Variants in SART3 observed in about 807,000 individuals in gnomAD.
The protein encoded by SART3 is spliceosome associated factor 3, U4/U6 recycling protein, also known as HIV-1 Tat-interacting protein of 110kDa.
In SART3, 44 loss-of-function variants were observed where a neutral mutation model predicts 122.3. The observed-to-expected ratio is 0.36, with a 90% CI of 0.28 to 0.46. The LOEUF (loss-of-function observed/expected upper bound fraction) is 0.46, where lower values mean the gene tolerates loss of function less well. Ranked by LOEUF, SART3 falls within the 20% of genes least tolerant of loss-of-function variation. The pLI is 1.00. For synonymous variants in SART3, 442 were observed against 454.0 expected, an observed-to-expected ratio of 0.97 and a Z score of 0.34; for missense variants, 1,101 against 1,229.0, an observed-to-expected ratio of 0.90 and a Z score of 1.56.
rs756454189 is a variant in SART3 at position 108,538,188 on chromosome 12, C to G, written c.1078G>C (p.Val360Leu). ...TGTACAGATAAAACCAAATCCTTTA[C>G]TTTCAGTTGTCGATCCTATGATAAA... ...YSQYLDRQLK[V>L]KDLVLSVHNR... Residue 360 changes from valine (V) to leucine (L), a missense_variant, in exon 8 of 19, where the codon GTA becomes CTA. Coordinates refer to ENST00000546815, the MANE Select transcript of SART3 (RefSeq NM_014706.4). The G allele has an allele frequency of 1.2e-6, 2 of 1,614,174 alleles. No individual in the cohort carries two copies. The highest frequency in any genetic ancestry group is 4.5e-5 in the East Asian group (2 of 44,892).
intron 1 of SART3, among the ~76,000 whole-genome samples, chr12:108,554,360 T>C (rs1018393397): frequency 1.8e-4 from 28 of 152,164 alleles, no homozygotes; most frequent in African/African-American, 6.5e-4. Flanking sequence ...AAATCCTAAA[T>C]AAAATATTAA....
intron 1 of SART3, among the ~76,000 whole-genome samples, chr12:108,559,154 A>T (rs1056414415): frequency 2.0e-5 from 3 of 152,122 alleles, no homozygotes; most frequent in Admixed American, 2.0e-4. Flanking sequence ...TGACATCACT[A>T]TCTCATAACA....
In SART3 at chr12:108,561,119, G is replaced by A; in HGVS notation, c.36C>T (p.Pro12=). The A allele has an allele frequency of 1.9e-6, 3 of 1,613,606 alleles. No homozygotes were observed. Among genetic ancestry groups the A allele is most frequent in the South Asian group, 1.1e-5 (1 of 91,070 alleles). Residue 12 remains proline, a synonymous_variant, in exon 1 of 19, where the codon CCC becomes CCT. Transcript: ENST00000546815. ...TGGGCCCAGCCTTGGACTCAGCCTC[G>A]GGTTCTGAAGCCGAGGTTTCGGCCG... ...ATAAETSASE[P]EAESKAGPKA...
chr12:108,560,203 G>A (rs1192430396), intron 1 of SART3: 1 of 152,384 alleles, frequency 6.6e-6, no homozygotes, highest in Admixed American at 6.5e-5. Flanking sequence ...TAGATGCTAG[G>A]CACTGAGCTA....
At chr12:108,539,763 G>T (rs1873076653) in intron 6 of SART3, among the ~76,000 whole-genome samples, 1 of 152,192 alleles carries the variant, frequency 6.6e-6, no homozygotes, top group Non-Finnish European at 1.5e-5. Flanking sequence ...AGGAGAGTAA[G>T]AGAACACACA....
intron 15 of SART3, among the ~76,000 whole-genome samples, chr12:108,529,529 T>G (rs561271845): frequency 6.6e-6 from 1 of 152,174 alleles, no homozygotes; most frequent in East Asian, 1.9e-4. Flanking sequence ...CAAAGGGACA[T>G]AGAAGCCTGT....
In SART3 at chr12:108,539,205, A is replaced by T. The variant is rs933760970; in HGVS notation, c.907-116T>A. On this transcript the variant is annotated intron_variant, in intron 6 of 18. Transcript: ENST00000546815. ...AGTAACTATGAATCGCCAAATCCTC[A>T]CTCTCAGAACCACTCCACTATGGCC... is the stretch of plus-strand genomic sequence containing the variant. 7.0e-6 allele frequency: 7 copies of T among 996,312 alleles called. No homozygotes were observed. The African/African-American group carries it at 1.1e-4, about 16-fold the overall frequency. 61.7% of individuals were successfully genotyped at this position (996,312 alleles called of 1,614,324 possible).
At chr12:108,537,698 T>A in intron 8 of SART3, 103 bp from the exon 9 acceptor site, 1 of 847,106 alleles carries the variant, frequency 1.2e-6, no homozygotes, top group Non-Finnish European at 2.0e-6. Context: ...CTTTAAAGAC[T>A]AATAGATGCA....
chr12:108,532,715 T>C (rs1361732853), intron 12 of SART3: 2 of 294,224 alleles, frequency 6.8e-6, no homozygotes, highest in African/African-American at 2.2e-5. Context: ...AGGAGAGTTA[T>C]GAATCCAGGG....
In SART3 at chr12:108,560,986, G is replaced by C; in HGVS notation, c.169C>G (p.Gln57Glu). The C allele has an allele frequency of 6.2e-7, 1 of 1,614,140 alleles. No homozygotes were observed. The highest frequency in any genetic ancestry group is 1.1e-5 in the South Asian group (1 of 91,078). The change falls in exon 1 of 19, where the codon CAG becomes GAG. Residue 57 changes from glutamine to glutamate, a missense_variant. Gln to Glu is a conservative substitution (Grantham distance 29). This residue lies in a region of SART3 where 216 missense variants were observed against 148.9 expected (regional missense o/e 1.45). Coordinates refer to ENST00000546815, the MANE Select transcript of SART3 (RefSeq NM_014706.4). ...CTCTCGCTCACGCCTTCCTCCTGCT[G>C]ATCCCACGCTGGCCCCATGGTCTTG... is the stretch of plus-strand genomic sequence containing the variant. The part of the protein sequence containing the change: ...TYKTMGPAWD[Q>E]QEEGVSESDG...
At chr12:108,559,758 G>A (rs1330222106) in intron 1 of SART3, among the ~76,000 whole-genome samples, 1 of 150,882 alleles carries the variant, frequency 6.6e-6, no homozygotes, top group Non-Finnish European at 1.5e-5. Context: ...CCTGCCCTGT[G>A]TCCCCGAGTA....
chr12:108,532,813 G>A (rs558526218), intron 12 of SART3, among the ~76,000 whole-genome samples: 1 of 151,840 alleles, frequency 6.6e-6, no homozygotes, highest in African/African-American at 2.4e-5. Context: ...GAGTGCAATA[G>A]CACGATCTCG....
At chr12:108,548,693 A>G (rs1873544117) in intron 2 of SART3, among the ~76,000 whole-genome samples, 2 of 152,248 alleles carry the variant, frequency 1.3e-5, no homozygotes, top group South Asian at 4.1e-4. Flanking sequence ...ATGCCCAACT[A>G]TTCTGGAACA....
At position 108,526,109 on chromosome 12, in the gene SART3, G is replaced by C. The variant is rs771437019; in HGVS notation, c.2360C>G (p.Pro787Arg). 1 of 1,613,904 alleles carries C rather than the reference G, an allele frequency of 6.2e-7. No homozygotes were observed. The highest frequency in any genetic ancestry group is 8.5e-7 in the Non-Finnish European group (1 of 1,179,826). Residue 787 changes from proline (P) to arginine (R), a missense_variant, in exon 16 of 19, where the codon CCC becomes CGC. By Grantham distance (103) the Pro-to-Arg change is moderately radical. This residue lies in a region of SART3 where 885 missense variants were observed against 1,080.1 expected (regional missense o/e 0.82). Transcript: ENST00000546815. ...TTTCCATAAACCTACCTTAAAATCG[G>C]GGTTTTTGCTCTTATCCACACAGGG... ...VSPCVDKSKN[P>R]DFKVFRYSTS...
intron 13 of SART3, 168 bp downstream of exon 13, chr12:108,532,054 C>A (rs1872703995): frequency 4.7e-6 from 3 of 641,530 alleles, no homozygotes; most frequent in Non-Finnish European, 8.6e-6. Context: ...TTGAGAAGAG[C>A]TGCAGGAGGA....
chr12:108,524,423 G>A lies in SART3; in HGVS notation c.2607C>T (p.Asn869=), dbSNP rs751076957. 6.2e-7 allele frequency: 1 copy of A among 1,614,130 alleles called. No homozygotes were observed. The part of the protein sequence containing the change: ...MKMDGMTIKE[N]IIKVAISNPP... ...GGTTGCTGATTGCCACTTTGATGAT[G>A]TTCTCTTTGATAGTCATGCCGTCCA... The change falls in exon 18 of 19, where the codon AAC becomes AAT. Residue 869 remains asparagine, a synonymous_variant. Transcript: ENST00000546815.
Position 108,539,159 on chromosome 12 carries a change from A to C in SART3, c.907-70T>G, listed in dbSNP as rs186395517. ...GCACAACACATCTGCAAATAAAATA[A>C]ATTTTGGCAAAACTGGCTACAGTAA... On this transcript the variant is annotated intron_variant, in intron 6 of 18. Transcript: ENST00000546815. 1.0e-4 allele frequency: 156 copies of C among 1,567,576 alleles called. No individual in the cohort carries two copies. The African/African-American group carries it at 1.9e-3, about 19-fold the overall frequency.
At chr12:108,534,925 CACAT>C (rs2136672478) in intron 12 of SART3, among the ~76,000 whole-genome samples, 1 of 152,312 alleles carries the variant, frequency 6.6e-6, no homozygotes, top group East Asian at 1.9e-4. Context: ...AGGCTTGTAA[CACAT>C]GCATGCTATA....
intron 17 of SART3, chr12:108,524,807 T>A (rs1872295288): frequency 4.3e-6 from 2 of 466,880 alleles, no homozygotes; most frequent in South Asian, 4.4e-5. Context: ...TGGACCAGTA[T>A]AAATCCAGCA....
Sources: allele counts gnomAD v4.1 joint callset (sites outside exome capture counted in the v4.1 genomes callset), GRCh38; gene constraint gnomAD v4.1.1; regional missense constraint gnomAD v4.1.1; transcripts MANE v1.5; gene names NCBI Gene and HGNC (gene_info 2026-07-23, HGNC 2026-07-21).